EEPD1: variants seen among roughly 807,000 people sequenced by gnomAD.
The protein encoded by EEPD1 is endonuclease/exonuclease/phosphatase family domain containing 1.
Under a neutral mutation model 46.3 loss-of-function variants are expected in EEPD1, and 17 were observed. The observed-to-expected ratio is 0.37, with a 90% CI of 0.25 to 0.55. The LOEUF is 0.55. Among genes scored for constraint, EEPD1 ranks in the 20% least tolerant of loss-of-function variants. The probability of loss-of-function intolerance (pLI) is 0.83; values close to 1 mark genes in which losing one functional copy is unlikely to be tolerated. For synonymous variants in EEPD1, 313 were observed against 315.6 expected, an observed-to-expected ratio of 0.99 and a Z score of 0.09; for missense variants, 673 against 745.6, an observed-to-expected ratio of 0.90 and a Z score of 1.13.
chr7:36,290,566 G>A (rs1025954762), intron 6 of EEPD1, among the ~76,000 whole-genome samples: 2 of 152,114 alleles, frequency 1.3e-5, no homozygotes, highest in East Asian at 1.9e-4. Flanking sequence ...AGCAAGCTCC[G>A]GGCCTTTCTG....
chr7:36,272,413 C>T (rs1176083242), intron 3 of EEPD1, among the ~76,000 whole-genome samples: 1 of 152,136 alleles, frequency 6.6e-6, no homozygotes, highest in Non-Finnish European at 1.5e-5. Flanking sequence ...CCTCCCTCCT[C>T]CTAACTTCAC....
chr7:36,271,095 C>A (rs1321290503), intron 3 of EEPD1, among the ~76,000 whole-genome samples: 1 of 151,844 alleles, frequency 6.6e-6, no homozygotes, highest in Non-Finnish European at 1.5e-5. Context: ...CAAGCCATTC[C>A]CCTGCCTCAG....
At chr7:36,227,679 G>GT (rs1244760106) in intron 2 of EEPD1, among the ~76,000 whole-genome samples, 4 of 152,034 alleles carry the variant, frequency 2.6e-5, no homozygotes, top group Non-Finnish European at 4.4e-5. Context: ...AGCACTTTGG[G>GT]TTTTTTTGGT....
chr7:36,239,235 G>A (rs1299977392), intron 3 of EEPD1, among the ~76,000 whole-genome samples, 199 bp downstream of exon 3: 2 of 152,116 alleles, frequency 1.3e-5, no homozygotes, highest in African/African-American at 2.4e-5. Flanking sequence ...TACAAACTCG[G>A]CTGTACCTGG....
intron 3 of EEPD1, 120 bp from the exon 4 acceptor site, chr7:36,280,995 G>A: frequency 1.4e-6 from 1 of 721,626 alleles, no homozygotes; most frequent in Non-Finnish European, 2.3e-6. Flanking sequence ...ATGTAGTTCA[G>A]CAGTGTCTGA....
rs1314840032 is a variant in EEPD1, at chr7:36,159,748, G to A, written c.878+4546G>A. Among the ~76,000 whole-genome samples, 8 of 152,120 alleles carry A rather than the reference G, an allele frequency of 5.3e-5. No individual in the cohort carries two copies. In the South Asian group the frequency reaches 6.2e-4, roughly 12 times the overall value. ...CCTCTGGGGGCCTCTGTTTTTTCCC[G>A]TTTTTGTTCCTCTAAAGGATGGGGC... On this transcript the variant is annotated intron_variant, in intron 2 of 7. Transcript: ENST00000242108.
chr7:36,292,056 C>A (rs1204174146), intron 6 of EEPD1, among the ~76,000 whole-genome samples: 1 of 152,226 alleles, frequency 6.6e-6, no homozygotes, highest in Non-Finnish European at 1.5e-5. Context: ...TTCTTATGCA[C>A]ACATATTTAA....
chr7:36,289,116 T>A lies in EEPD1; in HGVS notation c.1315+1339T>A, dbSNP rs879393729. 9.8e-5 allele frequency among the ~76,000 whole-genome samples: 15 copies of A among 152,360 alleles called. No individual in the cohort carries two copies. The Middle Eastern group carries it at 0.01, about 104-fold the overall frequency. On this transcript the variant is annotated intron_variant, in intron 6 of 7. Coordinates refer to ENST00000242108, the MANE Select transcript of EEPD1 (RefSeq NM_030636.3). ...TTCAAAAGATGTATGTATGTATATA[T>A]GTATATATGTATTTGAATTTGCATT...
intron 3 of EEPD1, among the ~76,000 whole-genome samples, chr7:36,248,994 AACACACACACACACACACACAC>A (rs71553052): frequency 1.5e-5 from 2 of 135,350 alleles, no homozygotes; most frequent in Admixed American, 1.5e-4. Context: ...TGGTTCATTA[AACACACACACACACACACACAC>A]ACACACACAC....
chr7:36,256,804 G>A (rs763830446), intron 3 of EEPD1, among the ~76,000 whole-genome samples: 7 of 151,992 alleles, frequency 4.6e-5, no homozygotes, highest in Non-Finnish European at 1.0e-4. Flanking sequence ...TTTTAATTGG[G>A]ACATTTAGCC....
At chr7:36,296,786 A>G (rs1787532076) in intron 6 of EEPD1, among the ~76,000 whole-genome samples, 1 of 148,224 alleles carries the variant, frequency 6.7e-6, no homozygotes, top group African/African-American at 2.5e-5. Flanking sequence ...CTGATTTCCA[A>G]ACGTGTTGCT....
intron 2 of EEPD1, 99 bp from the exon 3 acceptor site, chr7:36,238,886 G>A (rs921513379): frequency 8.5e-7 from 1 of 1,177,226 alleles, no homozygotes; most frequent in Non-Finnish European, 1.2e-6. Context: ...AGAAATGCAG[G>A]ATGAAATTTC....
intron 3 of EEPD1, among the ~76,000 whole-genome samples, chr7:36,271,329 G>C (rs1787099054): frequency 6.6e-6 from 1 of 152,074 alleles, no homozygotes; most frequent in Non-Finnish European, 1.5e-5. Flanking sequence ...GTATCTCATT[G>C]TGGTTTTGAT....
At chr7:36,196,718 A>G (rs34724413) in intron 2 of EEPD1, among the ~76,000 whole-genome samples, 16,750 of 152,184 alleles carry the variant, frequency 0.11, 1,207 homozygotes, top group Non-Finnish European at 0.17. Flanking sequence ...TCAGTGCTCA[A>G]TGGTGCCCAG....
In EEPD1 at chr7:36,204,203, T is replaced by TA. The variant is rs200227482; in HGVS notation, c.879-34773dup. ...GCATGCACCACCACACCCAGCCAAT[T>TA]AAAAAAAAATTTTGTGGAGAGAGGG... On this transcript the variant is annotated intron_variant, in intron 2 of 7. Coordinates refer to ENST00000242108, the MANE Select transcript of EEPD1 (RefSeq NM_030636.3). 9.9e-3 allele frequency among the ~76,000 whole-genome samples: 1,501 copies of TA among 151,496 alleles called. 14 individuals are homozygous for TA. Among genetic ancestry groups the TA allele is most frequent in the East Asian group, 0.059 (304 of 5,114 alleles).
At chr7:36,272,519 T>TG (rs1441461424) in intron 3 of EEPD1, among the ~76,000 whole-genome samples, 5 of 143,218 alleles carry the variant, frequency 3.5e-5, no homozygotes, top group Admixed American at 1.4e-4. Flanking sequence ...TTTTTTTTTT[T>TG]TTTGTGCTCC....
In EEPD1 at chr7:36,153,308, T is replaced by C. The variant is rs1784752446; in HGVS notation, c.-559T>C. On this transcript the variant is annotated 5_prime_UTR_variant, in exon 1 of 8. Transcript: ENST00000242108. ...GGAGCCGTGCGGCTGGTGCTGGGTC[T>C]GGACTGGCTCTGGCGGATCCCCGCC... 1 of 152,042 alleles carries C rather than the reference T, an allele frequency of 6.6e-6. No homozygotes were observed. The highest frequency in any genetic ancestry group is 1.5e-5 in the Non-Finnish European group (1 of 68,132). 9.4% of individuals were successfully genotyped at this position (152,042 alleles called of 1,614,324 possible).
rs1399926247 is a variant in EEPD1 at position 36,225,645 on chromosome 7, A to C, written c.879-13340A>C. 1.3e-5 allele frequency among the ~76,000 whole-genome samples: 2 copies of C among 152,212 alleles called. No homozygotes were observed. Among genetic ancestry groups the C allele is most frequent in the Non-Finnish European group, 2.9e-5 (2 of 68,036 alleles). ...TATAACAAAGAGACTGTGTTTACAG[A>C]ACCTGTCAGAAGATTAAAACATCTG... On this transcript the variant is annotated intron_variant, in intron 2 of 7. Transcript: ENST00000242108. The surrounding 1 kb of genome is among the most constrained non-coding windows in gnomAD (Gnocchi z 4.2).
chr7:36,198,843 T>C (rs1053723891), intron 2 of EEPD1, among the ~76,000 whole-genome samples: 2 of 152,080 alleles, frequency 1.3e-5, no homozygotes, highest in Non-Finnish European at 2.9e-5. Context: ...GCCCGCCTTC[T>C]CCTGCTACCA....
Sources: allele counts gnomAD v4.1 joint callset (sites outside exome capture counted in the v4.1 genomes callset), GRCh38; gene constraint gnomAD v4.1.1; non-coding constraint Gnocchi (gnomAD v3.1); transcripts MANE v1.5; gene names NCBI Gene and HGNC (gene_info 2026-07-23, HGNC 2026-07-21).